Variants in USP32 observed in about 807,000 individuals in gnomAD.
The protein encoded by USP32 is ubiquitin carboxyl-terminal hydrolase 32.
A neutral mutation model predicts 204.8 loss-of-function variants in USP32; 59 were observed. The ratio of observed to expected loss-of-function variants is 0.29; its 90% CI spans 0.23 to 0.36. The LOEUF (loss-of-function observed/expected upper bound fraction) is 0.36, where lower values mean the gene tolerates loss of function less well. Ranked by LOEUF, USP32 falls within the 10% of genes least tolerant of loss-of-function variation. The pLI, the probability that USP32 is intolerant of heterozygous loss-of-function variation, is 1.00. For synonymous variants in USP32, 517 were observed against 678.4 expected (o/e 0.76, Z 3.70); for missense variants, 1,160 against 1,946.4 (o/e 0.60, Z 7.60).
chr17:60,301,089 C>G (rs1250877791), intron 3 of USP32, among the ~76,000 whole-genome samples: 1 of 152,174 alleles, frequency 6.6e-6, no homozygotes, highest in East Asian at 1.9e-4. Context: ...TATCCATTTA[C>G]CAGCTGGTGG....
chr17:60,198,761 T>C (rs916149328), intron 26 of USP32, among the ~76,000 whole-genome samples: 1 of 152,210 alleles, frequency 6.6e-6, no homozygotes, highest in Non-Finnish European at 1.5e-5. Context: ...ATGTAAAAAC[T>C]AGTAATAGCT....
chr17:60,349,626 A>ATATATATATATATATATATATATAT (rs2088894313), intron 1 of USP32, among the ~76,000 whole-genome samples: 1 of 76,296 alleles, frequency 1.3e-5, no homozygotes. Context: ...TATATATATT[A>ATATATATATATATATATATATATAT]TATATATATA....
intron 5 of USP32, among the ~76,000 whole-genome samples, chr17:60,278,053 T>C (rs2086880827): frequency 6.6e-6 from 1 of 151,624 alleles, no homozygotes; most frequent in Admixed American, 6.6e-5. Context: ...AATATACGCA[T>C]GTGCTACCAC....
rs1182856505 is a variant in USP32 at position 60,413,885 on chromosome 17, A to AAAG, written c.106+8360_106+8361insCTT. On this transcript the variant is annotated intron_variant, in intron 1 of 3. Coordinates refer to the USP32 transcript ENST00000588898. ...TCAAAAAAAAAAAAAAGAAAAAAAA[A>AAAG]AAAAAAAAAAGAATGTTACCTGTGG... 3.6e-5 allele frequency among the ~76,000 whole-genome samples: 5 copies of AAAG among 140,352 alleles called. No individual in the cohort carries two copies. The Admixed American group carries it at 3.6e-4, about 10-fold the overall frequency. The allele number at this position is 140,352 out of a possible 152,430, so 92.1% of individuals were successfully genotyped here. A position where few individuals can be genotyped will look rare whatever the true frequency, so the allele number is the denominator to read the frequency against.
rs1413355639 is a variant in USP32, at chr17:60,183,453, T to C, written c.3835A>G (p.Ile1279Val). 1 of 1,590,874 alleles carries C rather than the reference T, an allele frequency of 6.3e-7. No homozygotes were observed. Among genetic ancestry groups the C allele is most frequent in the Non-Finnish European group, 8.6e-7 (1 of 1,167,192 alleles). The change falls in exon 31 of 34, where the codon ATT becomes GTT. Residue 1279 changes from isoleucine (I) to valine (V), a missense_variant and splice_region_variant. Ile to Val is a conservative substitution (Grantham distance 29, BLOSUM62 3). Transcript: ENST00000300896. ...LDLWRLPPIL[I>V]IHLKRFQFVN... The stretch of plus-strand genomic sequence containing the variant: ...AATTGAAATCGCTTAAGGTGAATAA[T>C]CTGGAGAAGTAAAGGTAGAAAACAT...
chr17:60,357,396 T>G (rs1249201491), intron 1 of USP32, among the ~76,000 whole-genome samples: 1 of 151,868 alleles, frequency 6.6e-6, no homozygotes, highest in African/African-American at 2.4e-5. Flanking sequence ...GAGGCTGCAG[T>G]GAGCTATGAT....
chr17:60,197,197 A>G (rs2084543071), intron 27 of USP32, among the ~76,000 whole-genome samples: 1 of 152,190 alleles, frequency 6.6e-6, no homozygotes, highest in Non-Finnish European at 1.5e-5. Flanking sequence ...AAAAAGATGT[A>G]TTTATCCTAA....
intron 16 of USP32, among the ~76,000 whole-genome samples, chr17:60,217,102 T>C (rs2145543786): frequency 6.6e-6 from 1 of 152,242 alleles, no homozygotes; most frequent in South Asian, 2.1e-4. Flanking sequence ...ATATGAAAAT[T>C]TGAGTTTTAG....
At chr17:60,347,170 G>A (rs1042268495) in intron 1 of USP32, among the ~76,000 whole-genome samples, 4 of 152,102 alleles carry the variant, frequency 2.6e-5, no homozygotes, top group African/African-American at 9.6e-5. Context: ...GAGAGTAGAA[G>A]CAGTACTGGG....
At chr17:60,277,822 A>C (rs2086874111) in intron 5 of USP32, among the ~76,000 whole-genome samples, 1 of 152,164 alleles carries the variant, frequency 6.6e-6, no homozygotes, top group Non-Finnish European at 1.5e-5. Context: ...TTATTGGAAA[A>C]CATTTACAAG....
In USP32 at chr17:60,198,424, G is replaced by A; in HGVS notation, c.3270C>T (p.Phe1090=). Residue 1090 remains phenylalanine, a synonymous_variant, in exon 27 of 34, where the codon TTC becomes TTT. Transcript: ENST00000300896. ...HRKMMRTELY[F]LSSQKNRPSL... ...TGGGGCGATTCTTCTGAGATGACAG[G>A]AAATACAGTTCTGTCCTCATCTGTA... is the stretch of plus-strand genomic sequence containing the variant. 6.2e-7 allele frequency: 1 copy of A among 1,614,102 alleles called. No homozygotes were observed. Among genetic ancestry groups the A allele is most frequent in the Non-Finnish European group, 8.5e-7 (1 of 1,180,006 alleles).
At position 60,223,604 on chromosome 17, in the gene USP32, G is replaced by A; in HGVS notation, c.1433-18C>T. 6.4e-7 allele frequency: 1 copy of A among 1,572,028 alleles called. No homozygotes were observed. The highest frequency in any genetic ancestry group is 2.2e-5 in the East Asian group (1 of 44,616). ...CAGAAAGCCTATAAAAAAAAAAGAG[G>A]ATAGAATCTCTTATTTTTAGTTATT... is the stretch of plus-strand genomic sequence containing the variant. On this transcript the variant is annotated intron_variant, in intron 13 of 33. Transcript: ENST00000300896.
intron 1 of USP32, chr17:60,421,829 G>A (rs1001459662): frequency 1.0e-6 from 1 of 984,208 alleles, no homozygotes; most frequent in Middle Eastern, 5.2e-4. Flanking sequence ...GCCGACACCC[G>A]GCTCCCCGCC....
rs1256936763 is a variant in USP32 at position 60,223,447 on chromosome 17, A to T, written c.1572T>A (p.Ile524=). 1.2e-6 allele frequency: 2 copies of T among 1,612,226 alleles called. No individual in the cohort carries two copies. Among genetic ancestry groups the T allele is most frequent in the East Asian group, 4.5e-5 (2 of 44,844 alleles). ...LHLNPQKPGA[I]DNQPLVTQEP... is the part of the protein sequence containing the mutation. Reference sequence around the variant, plus strand: ...CTTGAGTTACTAATGGCTGATTATCAATAGCCCCTGGTTTCTGAGGGTTAA... The same window carrying T: ...CTTGAGTTACTAATGGCTGATTATCTATAGCCCCTGGTTTCTGAGGGTTAA... Residue 524 remains isoleucine, a synonymous_variant, in exon 14 of 34, where the codon ATT becomes ATA. Coordinates refer to ENST00000300896, the MANE Select transcript of USP32 (RefSeq NM_032582.4).
intron 16 of USP32, among the ~76,000 whole-genome samples, chr17:60,215,690 A>T (rs984364808): frequency 7.3e-5 from 11 of 151,134 alleles, no homozygotes; most frequent in Admixed American, 3.3e-4. Flanking sequence ...CATATCAATT[A>T]AAAAAAAAGA....
chr17:60,325,533 T>C (rs763187816), intron 2 of USP32, among the ~76,000 whole-genome samples: 3 of 152,222 alleles, frequency 2.0e-5, no homozygotes, highest in African/African-American at 7.2e-5. Flanking sequence ...AAAATTGTGA[T>C]ATAATTTCAC....
Position 60,307,371 on chromosome 17 carries a change from G to A in USP32, c.187-5667C>T, listed in dbSNP as rs957809112. Reference sequence around the variant, plus strand: ...CTGCCTTGGTCTCCCAAAGTGCTGGGATTACAGGCGTGAGCCACCACACCC... The same window carrying A: ...CTGCCTTGGTCTCCCAAAGTGCTGGAATTACAGGCGTGAGCCACCACACCC... On this transcript the variant is annotated intron_variant, in intron 2 of 33. Coordinates refer to ENST00000300896, the MANE Select transcript of USP32 (RefSeq NM_032582.4). Among the ~76,000 whole-genome samples, 6 of 152,144 alleles carry A rather than the reference G, an allele frequency of 3.9e-5. 1 individual carries two copies. Among genetic ancestry groups the A allele is most frequent in the Admixed American group, 1.3e-4 (2 of 15,284 alleles).
intron 29 of USP32, among the ~76,000 whole-genome samples, chr17:60,186,726 C>T (rs1044194942): frequency 6.6e-6 from 1 of 151,908 alleles, no homozygotes; most frequent in Non-Finnish European, 1.5e-5. Context: ...AAAGAATGGG[C>T]GGGGTGCAGG....
At chr17:60,244,410 T>C (rs1177994602) in intron 11 of USP32, among the ~76,000 whole-genome samples, 1 of 152,186 alleles carries the variant, frequency 6.6e-6, no homozygotes, top group Non-Finnish European at 1.5e-5. Flanking sequence ...AAAACAGATG[T>C]GGATTTATGT....
Sources: gnomAD v4.1 joint callset for allele counts (sites outside exome capture counted in the v4.1 genomes callset) on GRCh38, gnomAD v4.1.1 for gene constraint, MANE v1.5 for transcripts, NCBI Gene and HGNC (gene_info 2026-07-23, HGNC 2026-07-21) for gene names.